Variants in ERC1 observed in about 807,000 individuals in gnomAD.
The protein encoded by ERC1 is ELKS/RAB6-interacting/CAST family member 1, also known as RAB6 interacting protein 2.
ERC1 carries 56 observed loss-of-function variants against 132.0 expected under a neutral mutation model. That is an observed-to-expected ratio of 0.42 (90% CI 0.34 to 0.53). The LOEUF (loss-of-function observed/expected upper bound fraction) is 0.53. Among genes scored for constraint, ERC1 ranks in the 20% least tolerant of loss-of-function variants. The pLI is 0.03. For synonymous variants in ERC1, 478 were observed against 476.1 expected (o/e 1.00, Z -0.05); for missense variants, 1,202 against 1,349.9 (o/e 0.89, Z 1.72).
chr12:1,486,411 T>TTTTTA (rs141283306), intron 18 of ERC1, among the ~76,000 whole-genome samples: 72,439 of 150,824 alleles, frequency 0.48, 19,864 homozygotes, highest in Non-Finnish European at 0.63. Flanking sequence ...TGTGAAGCAC[T>TTTTTA]TTTTACTTTA....
At chr12:1,400,908 A>ATTTTTTTTTTTTTTTTTTTTTTTTTT (rs2090967822) in intron 16 of ERC1, among the ~76,000 whole-genome samples, 3 of 43,400 alleles carry the variant, frequency 6.9e-5, no homozygotes, top group African/African-American at 1.3e-4. Context: ...TGTTTTGGCT[A>ATTTTTTTTTTTTTTTTTTTTTTTTTT]TTTTTGTATT....
intron 12 of ERC1, among the ~76,000 whole-genome samples, chr12:1,195,884 C>T (rs1566209141): frequency 1.4e-5 from 2 of 145,538 alleles, no homozygotes; most frequent in African/African-American, 2.5e-5. Flanking sequence ...CGCCCCCCCC[C>T]CCCTTTTTTT....
intron 12 of ERC1, among the ~76,000 whole-genome samples, chr12:1,225,184 G>A (rs1356354182): frequency 3.3e-5 from 5 of 151,816 alleles, no homozygotes; most frequent in Non-Finnish European, 5.9e-5. Flanking sequence ...TGTGAGCCAG[G>A]TGGAATGCTC....
In ERC1 at chr12:1,494,947, A is replaced by T. The variant is rs1030804191; in HGVS notation, c.*4717A>T. On this transcript the variant is annotated 3_prime_UTR_variant, in exon 19 of 19. Coordinates refer to ENST00000360905, the MANE Select transcript of ERC1 (RefSeq NM_178040.4). ...TGGCGGCTTAGGAAGCATGGAGCAC[A>T]CTTAGGGTAGTGCCTGCCTGGGCAA... is the stretch of plus-strand genomic sequence containing the variant. 1 of 230,620 alleles carries T rather than the reference A, an allele frequency of 4.3e-6. No individual in the cohort carries two copies. The highest frequency in any genetic ancestry group is 2.2e-5 in the African/African-American group (1 of 45,180). The allele number at this position is 230,620 out of a possible 1,614,324, so 14.3% of individuals were successfully genotyped here.
At chr12:1,098,436 A>G (rs867346405) in intron 3 of ERC1, among the ~76,000 whole-genome samples, 40 of 152,340 alleles carry the variant, frequency 2.6e-4, no homozygotes, top group Middle Eastern at 3.4e-3. Flanking sequence ...TGCAAACTAG[A>G]CTGGAAATGG....
chr12:1,311,815 T>C (rs2081328612), intron 15 of ERC1, among the ~76,000 whole-genome samples: 1 of 152,218 alleles, frequency 6.6e-6, no homozygotes, highest in Non-Finnish European at 1.5e-5. Flanking sequence ...TTGTCTTTTT[T>C]TCTATGGAGA....
At chr12:1,474,195 C>T (rs2093925789) in intron 18 of ERC1, among the ~76,000 whole-genome samples, 1 of 152,216 alleles carries the variant, frequency 6.6e-6, no homozygotes, top group Non-Finnish European at 1.5e-5. Context: ...CAGCTCAGAC[C>T]TCATGGCCTG....
chr12:1,057,184 C>T lies in ERC1; in HGVS notation c.670-25980C>T, dbSNP rs1002602457. ...GAGACAGTCTCTCACTTTGTCAGCG[C>T]GATCTCTCGGCTCACTGCAACCACC... On this transcript the variant is annotated intron_variant, in intron 2 of 18. Transcript: ENST00000360905. Among the ~76,000 whole-genome samples the T allele has an allele frequency of 2.6e-5, 4 of 152,072 alleles. 1 individual carries two copies. Among genetic ancestry groups the T allele is most frequent in the South Asian group, 4.1e-4 (2 of 4,824 alleles).
chr12:1,104,639 T>C lies in ERC1; in HGVS notation c.1087-111T>C. ...AAGGTTGGTAACACAGAAGGGGTCA[T>C]TGTCTCATAAGGCTGTAGTGATCTT... is the stretch of plus-strand genomic sequence containing the variant. On this transcript the variant is annotated intron_variant, in intron 3 of 18. Transcript: ENST00000360905. 4.0e-6 allele frequency: 3 copies of C among 744,174 alleles called. No homozygotes were observed. The South Asian group carries it at 4.7e-5, about 12-fold the overall frequency. The allele number at this position is 744,174 out of a possible 1,614,324, so 46.1% of individuals were successfully genotyped here.
chr12:1,340,448 G>A (rs2083724527), intron 15 of ERC1, among the ~76,000 whole-genome samples: 3 of 152,160 alleles, frequency 2.0e-5, no homozygotes, highest in Non-Finnish European at 4.4e-5. Flanking sequence ...TCTCTAAGCA[G>A]CTCTCCCTGC....
Position 1,104,822 on chromosome 12 carries a change from A to C in ERC1, c.1159A>C (p.Lys387Gln), listed in dbSNP as rs1945073201. 1 of 1,605,926 alleles carries C rather than the reference A, an allele frequency of 6.2e-7. No homozygotes were observed. The highest frequency in any genetic ancestry group is 1.3e-5 in the African/African-American group (1 of 74,794). ...AGCTCTGCAAACTGTTATTGAGATG[A>C]AGGTAAGTGAGAATCTAGTAAAGAA... ...TKALQTVIEM[K>Q]DSKISSMERG... The change falls in exon 4 of 19, where the codon AAG becomes CAG. Residue 387 changes from lysine to glutamine, a missense_variant and splice_region_variant. Coordinates refer to ENST00000360905, the MANE Select transcript of ERC1 (RefSeq NM_178040.4).
chr12:1,141,433 G>C (rs539348810), intron 7 of ERC1, among the ~76,000 whole-genome samples, 187 bp from the exon 8 acceptor site: 1 of 152,302 alleles, frequency 6.6e-6, no homozygotes, highest in Non-Finnish European at 1.5e-5. Context: ...AAACATAGTT[G>C]TAGAGATTCC....
chr12:1,474,001 A>G (rs1186610296), intron 18 of ERC1, among the ~76,000 whole-genome samples: 1 of 152,228 alleles, frequency 6.6e-6, no homozygotes, highest in Non-Finnish European at 1.5e-5. Flanking sequence ...CTCTTACGGC[A>G]AAATACATTT....
intron 3 of ERC1, among the ~76,000 whole-genome samples, chr12:1,102,377 C>G (rs543533799): frequency 9.9e-5 from 15 of 152,074 alleles, no homozygotes; most frequent in Admixed American, 8.5e-4. Flanking sequence ...CTGAGGAATA[C>G]AGAAGACAGT....
chr12:1,264,910 G>C (rs1298111161), intron 14 of ERC1, among the ~76,000 whole-genome samples: 2 of 152,290 alleles, frequency 1.3e-5, no homozygotes, highest in East Asian at 3.9e-4. Flanking sequence ...ATGTGCCCCA[G>C]GGAGTCCCTT....
chr12:1,057,540 AAG>A (rs901979720), intron 2 of ERC1, among the ~76,000 whole-genome samples: 1 of 152,036 alleles, frequency 6.6e-6, no homozygotes, highest in Non-Finnish European at 1.5e-5. Context: ...TTTTTTTAAA[AAG>A]GTGAATATCA....
intron 13 of ERC1, among the ~76,000 whole-genome samples, chr12:1,260,529 C>T (rs532433329): frequency 6.6e-6 from 1 of 152,298 alleles, no homozygotes; most frequent in East Asian, 1.9e-4. Flanking sequence ...AAGGGCTTTC[C>T]TGTTTATTTC....
chr12:1,248,740 T>C (rs1465787096), intron 13 of ERC1, among the ~76,000 whole-genome samples: 1 of 152,198 alleles, frequency 6.6e-6, no homozygotes, highest in East Asian at 1.9e-4. Context: ...AAGTGTTTGC[T>C]CACTGTTTCA....
intron 13 of ERC1, among the ~76,000 whole-genome samples, chr12:1,262,709 A>G (rs74059717): frequency 0.027 from 4,080 of 152,308 alleles, 193 homozygotes; most frequent in African/African-American, 0.094. Context: ...GAGTAGTTCA[A>G]AAACAACTTT....
Sources: gnomAD v4.1 joint callset for allele counts (sites outside exome capture counted in the v4.1 genomes callset) on GRCh38, gnomAD v4.1.1 for gene constraint, MANE v1.5 for transcripts, NCBI Gene and HGNC (gene_info 2026-07-23, HGNC 2026-07-21) for gene names.